The following PINK1 variants were observed in gnomAD, a reference collection of about 807,000 sequenced individuals.
PINK1 encodes the protein PTEN induced kinase 1, also known as serine/threonine-protein kinase PINK1, mitochondrial.
In PINK1, 58 loss-of-function variants were observed where a neutral mutation model predicts 56.0. The observed-to-expected ratio is 1.04, with a 90% confidence interval of 0.84 to 1.29. The LOEUF (loss-of-function observed/expected upper bound fraction) is 1.29, where lower values mean the gene tolerates loss of function less well. Among genes scored for constraint, PINK1 ranks in the 50% most tolerant of loss-of-function variants. The pLI is 0.00. For synonymous variants in PINK1, 354 were observed against 339.3 expected, an observed-to-expected ratio of 1.04 and a Z score of -0.48; for missense variants, 745 against 777.9, an observed-to-expected ratio of 0.96 and a Z score of 0.50.
intron 2 of PINK1, chr1:20,638,880 C>T (rs1570400538): frequency 6.5e-6 from 1 of 152,824 alleles, no homozygotes; most frequent in South Asian, 2.1e-4. Flanking sequence ...GATCTCTTTC[C>T]TTTAAGCTCA....
At chr1:20,639,845 A>G in intron 2 of PINK1, 47 bp from the exon 3 acceptor site, 1 of 1,556,132 alleles carries the variant, frequency 6.4e-7, no homozygotes, top group Non-Finnish European at 8.8e-7. Context: ...GGAACTTACC[A>G]TTCTGCTCCG....
intron 1 of PINK1, among the ~76,000 whole-genome samples, chr1:20,635,766 G>A (rs943826043): frequency 1.4e-4 from 20 of 146,436 alleles, no homozygotes; most frequent in South Asian, 2.2e-4. Flanking sequence ...GGAGAATGGC[G>A]TGAACCCGGG....
intron 1 of PINK1, 66 bp from the exon 2 acceptor site, chr1:20,637,776 C>G: frequency 1.9e-6 from 3 of 1,582,960 alleles, no homozygotes; most frequent in Non-Finnish European, 1.7e-6. Context: ...CTCTGCCTCC[C>G]CTGTTTCCCT....
At chr1:20,649,536 G>C (rs146278454) in intron 7 of PINK1, 47 of 359,994 alleles carry the variant, frequency 1.3e-4, no homozygotes, top group South Asian at 6.0e-4. Context: ...AGGCTGAGGC[G>C]GGTGGATCAC....
At chr1:20,635,457 C>T (rs12021613) in intron 1 of PINK1, among the ~76,000 whole-genome samples, 81,880 of 151,488 alleles carry the variant, frequency 0.54, 22,545 homozygotes, top group Middle Eastern at 0.68. Flanking sequence ...GCTGAGATCA[C>T]GCCACTGCAC....
intron 5 of PINK1, among the ~76,000 whole-genome samples, chr1:20,646,374 A>C (rs886236295): frequency 6.6e-6 from 1 of 152,138 alleles, no homozygotes; most frequent in East Asian, 1.9e-4. Context: ...GGCCGGGGGT[A>C]GTGGCTCACG....
chr1:20,634,610 A>C (rs2053036961), intron 1 of PINK1, among the ~76,000 whole-genome samples: 1 of 152,196 alleles, frequency 6.6e-6, no homozygotes, highest in African/African-American at 2.4e-5. Context: ...GTCTATATAG[A>C]GGCAGGTTTA....
chr1:20,649,165 G>GC lies in PINK1; in HGVS notation c.1425dup (p.Glu476ArgfsTer39). The GC allele has an allele frequency of 6.2e-7, 1 of 1,614,214 alleles. No homozygotes were observed. The highest frequency in any genetic ancestry group is 8.5e-7 in the Non-Finnish European group (1 of 1,180,044). On this transcript the variant is annotated frameshift_variant, in exon 7 of 8. Coordinates refer to ENST00000321556, the MANE Select transcript of PINK1 (RefSeq NM_032409.3). LOFTEE classifies it high-confidence loss of function. ...ACCAAGAGGCTCAGCTACCTGCACTGCCCGAGTCAGTGCCTCCAGACGTGA... is the reference window on the plus strand; with the variant it reads ...ACCAAGAGGCTCAGCTACCTGCACTGCCCCGAGTCAGTGCCTCCAGACGTGA...
chr1:20,638,700 G>A (rs2053082701), intron 2 of PINK1: 1 of 186,326 alleles, frequency 5.4e-6, no homozygotes. Context: ...GCAGGTCAGG[G>A]ATGGGGCCTA....
chr1:20,633,492 G>C lies in PINK1; in HGVS notation c.-57G>C, dbSNP rs1156445083. 2.8e-5 allele frequency: 31 copies of C among 1,096,342 alleles called. No individual in the cohort carries two copies. The highest frequency in any genetic ancestry group is 3.4e-5 in the Non-Finnish European group (31 of 901,280). 67.9% of individuals were successfully genotyped at this position (1,096,342 alleles called of 1,614,324 possible). On this transcript the variant is annotated 5_prime_UTR_variant, in exon 1 of 8. Transcript: ENST00000321556. Reference sequence around the variant, plus strand: ...GCCCCAAGTTTGTTGTGACCGGCGGGGGACGCCGGTGGTGGCGGCAGCGGC... The same window carrying C: ...GCCCCAAGTTTGTTGTGACCGGCGGCGGACGCCGGTGGTGGCGGCAGCGGC...
At chr1:20,646,679 A>G (rs371010886) in intron 5 of PINK1, among the ~76,000 whole-genome samples, 55 of 152,052 alleles carry the variant, frequency 3.6e-4, no homozygotes, top group Non-Finnish European at 6.9e-4. Flanking sequence ...TTTTCAAACA[A>G]TGAAAGCTGT....
In PINK1 at chr1:20,633,773, C is replaced by T. The variant is rs751445683; in HGVS notation, c.225C>T (p.Ala75=). The change falls in exon 1 of 8, where the codon GCC becomes GCT. Residue 75 remains alanine, a synonymous_variant. Transcript: ENST00000321556. The part of the protein sequence containing the change: ...NRLRFFRQSV[A]GLAARLQRQF... Reference sequence around the variant, plus strand: ...TCCGCTTCTTCCGCCAGTCGGTGGCCGGGCTGGCGGCGCGGTTGCAGCGGC... The same window carrying T: ...TCCGCTTCTTCCGCCAGTCGGTGGCTGGGCTGGCGGCGCGGTTGCAGCGGC... The T allele has an allele frequency of 5.8e-6, 9 of 1,563,756 alleles. No homozygotes were observed. The highest frequency in any genetic ancestry group is 1.9e-5 in the Admixed American group (1 of 53,964).
chr1:20,638,582 C>T (rs575011326), intron 2 of PINK1: 69 of 254,234 alleles, frequency 2.7e-4, no homozygotes, highest in Middle Eastern at 3.1e-3. Flanking sequence ...GCAGAGGCTG[C>T]AGTGATCCAA....
In PINK1 at chr1:20,650,754, T is replaced by C. The variant is rs913855655; in HGVS notation, c.*63T>C. ...TGGCATCCTCTGTGTCGTGATGGTC[T>C]GTGAATGGTGAGGGTGGGAGTCAGG... On this transcript the variant is annotated 3_prime_UTR_variant, in exon 8 of 8. Coordinates refer to ENST00000321556, the MANE Select transcript of PINK1 (RefSeq NM_032409.3). The C allele has an allele frequency of 2.5e-6, 4 of 1,578,490 alleles. No individual in the cohort carries two copies. The highest frequency in any genetic ancestry group is 2.6e-6 in the Non-Finnish European group (3 of 1,166,054).
intron 6 of PINK1, 29 bp downstream of exon 6, chr1:20,648,661 G>C (rs370380947): frequency 6.2e-7 from 1 of 1,611,650 alleles, no homozygotes; most frequent in South Asian, 1.1e-5. Context: ...ATGCGCCATC[G>C]GCAGCCCTTC....
intron 4 of PINK1, among the ~76,000 whole-genome samples, chr1:20,645,065 G>C (rs1557564448): frequency 6.6e-6 from 1 of 152,160 alleles, no homozygotes; most frequent in Non-Finnish European, 1.5e-5. Flanking sequence ...TTTGAATATA[G>C]GGAGCCCCAA....
rs1407225832 is a variant in PINK1, at chr1:20,634,004, TG to T, written c.387+74del. 4 of 685,232 alleles carry T rather than the reference TG, an allele frequency of 5.8e-6. No homozygotes were observed. In the African/African-American group the frequency reaches 1.1e-4, roughly 18 times the overall value. 42.4% of individuals were successfully genotyped at this position (685,232 alleles called of 1,614,324 possible). A position where few individuals can be genotyped will look rare whatever the true frequency, so the allele number is the denominator to read the frequency against. ...GCGCGGGGGCGGGTCCTCAGCTGGG[TG>T]GGGGCGGGGCTAGGTGTGGAGGCGG... is the stretch of plus-strand genomic sequence containing the variant. On this transcript the variant is annotated intron_variant, in intron 1 of 7. Coordinates refer to ENST00000321556, the MANE Select transcript of PINK1 (RefSeq NM_032409.3).
intron 3 of PINK1, among the ~76,000 whole-genome samples, chr1:20,642,356 C>T (rs532825558): frequency 2.0e-5 from 3 of 152,140 alleles, no homozygotes; most frequent in East Asian, 3.9e-4. Flanking sequence ...AGCTTTAAGG[C>T]GGTAATTTTA....
rs779637743 is a variant in PINK1, at chr1:20,645,660, G to T, written c.1060G>T (p.Val354Phe). 1.2e-6 allele frequency: 2 copies of T among 1,614,120 alleles called. No individual in the cohort carries two copies. Among genetic ancestry groups the T allele is most frequent in the Non-Finnish European group, 1.7e-6 (2 of 1,180,038 alleles). ...GCTGCTGGAAGGCGTGGACCATCTGGTTCAACAGGGCATCGCGCACAGAGA... is the reference window on the plus strand; with the variant it reads ...GCTGCTGGAAGGCGTGGACCATCTGTTTCAACAGGGCATCGCGCACAGAGA... ...LQLLEGVDHL[V>F]QQGIAHRDLK... The change falls in exon 5 of 8, where the codon GTT becomes TTT. Residue 354 changes from valine (V) to phenylalanine (F), a missense_variant. Val to Phe is a conservative substitution (Grantham distance 50). Coordinates refer to ENST00000321556, the MANE Select transcript of PINK1 (RefSeq NM_032409.3).
Sources: allele counts gnomAD v4.1 joint callset (sites outside exome capture counted in the v4.1 genomes callset), GRCh38; gene constraint gnomAD v4.1.1; transcripts MANE v1.5; gene names NCBI Gene and HGNC (gene_info 2026-07-23, HGNC 2026-07-21).